TNS3: variants seen among roughly 807,000 people sequenced by gnomAD.
TNS3 encodes the protein tensin-3.
Under a neutral mutation model 140.9 loss-of-function variants are expected in TNS3, and 45 were observed. The observed-to-expected ratio is 0.32, with a 90% CI of 0.25 to 0.41. The LOEUF is 0.41. Among genes scored for constraint, TNS3 ranks in the 10% least tolerant of loss-of-function variants. The probability of loss-of-function intolerance (pLI) is 1.00; values close to 1 mark genes in which losing one functional copy is unlikely to be tolerated. For synonymous variants in TNS3, 815 were observed against 788.4 expected (o/e 1.03, Z -0.56); for missense variants, 1,716 against 1,906.7 (o/e 0.90, Z 1.86).
At chr7:47,495,532 A>G (rs1282888051) in intron 3 of TNS3, among the ~76,000 whole-genome samples, 2 of 152,272 alleles carry the variant, frequency 1.3e-5, no homozygotes, top group African/African-American at 4.8e-5. Context: ...ATGTCCCAAC[A>G]GGGGCGGGCT....
chr7:47,396,765 G>T, intron 16 of TNS3, 35 bp downstream of exon 16: 1 of 1,528,390 alleles, frequency 6.5e-7, no homozygotes, highest in Non-Finnish European at 9.1e-7. Flanking sequence ...TGTGCCCTTT[G>T]CCTCCATAAC....
At chr7:47,512,218 G>C (rs1798637406) in intron 2 of TNS3, among the ~76,000 whole-genome samples, 1 of 152,190 alleles carries the variant, frequency 6.6e-6, no homozygotes, top group Non-Finnish European at 1.5e-5. Context: ...GCAAGAACTG[G>C]GGCTCCACAT....
intron 17 of TNS3, 56 bp from the exon 18 acceptor site, chr7:47,346,412 G>T (rs555622343): frequency 3.8e-6 from 6 of 1,593,424 alleles, no homozygotes; most frequent in Middle Eastern, 2.0e-4. Context: ...GGAGTGAGGC[G>T]CCCCTTCCTT....
intron 16 of TNS3, among the ~76,000 whole-genome samples, chr7:47,378,699 C>T (rs1051043804): frequency 2.0e-5 from 3 of 152,078 alleles, no homozygotes; most frequent in African/African-American, 7.3e-5. Context: ...GCTTAACCCA[C>T]AAGGTTAGGG....
chr7:47,329,775 C>T (rs1788233718), intron 20 of TNS3, among the ~76,000 whole-genome samples: 1 of 152,080 alleles, frequency 6.6e-6, no homozygotes, highest in African/African-American at 2.4e-5. Context: ...GGCAGCCAGG[C>T]CCAGGAAGGG....
rs116805141 is a variant in TNS3, at chr7:47,444,502, G to A, written c.-75-2447C>T. On this transcript the variant is annotated intron_variant, in intron 4 of 30. Coordinates refer to ENST00000311160, the MANE Select transcript of TNS3 (RefSeq NM_022748.12). ...ATGACAACCACACAAATACGTGACTGCTCACTGCCGGCACCAACGTGATGG... is the reference window on the plus strand; with the variant it reads ...ATGACAACCACACAAATACGTGACTACTCACTGCCGGCACCAACGTGATGG... Among the ~76,000 whole-genome samples the A allele has an allele frequency of 8.2e-3, 1,254 of 152,322 alleles. 20 individuals are homozygous for A. Among genetic ancestry groups the A allele is most frequent in the African/African-American group, 0.028 (1,166 of 41,562 alleles).
chr7:47,396,963 C>G, intron 15 of TNS3, 59 bp from the exon 16 acceptor site: 2 of 1,215,756 alleles, frequency 1.6e-6, no homozygotes, highest in Non-Finnish European at 2.4e-6. Flanking sequence ...TCCATCCAAC[C>G]GACTCCACCA....
At chr7:47,538,199 C>G (rs1315583360) in intron 1 of TNS3, among the ~76,000 whole-genome samples, 1 of 152,154 alleles carries the variant, frequency 6.6e-6, no homozygotes, top group East Asian at 1.9e-4. Flanking sequence ...CAGATCCCTC[C>G]TTTCAATGCC....
chr7:47,279,914 T>C (rs529177548), intron 30 of TNS3: 45 of 559,068 alleles, frequency 8.0e-5, no homozygotes, highest in Admixed American at 1.3e-4. Flanking sequence ...TCCATCTCCC[T>C]GTATCTATGC....
At chr7:47,367,713 C>A (rs1790789772) in intron 17 of TNS3, among the ~76,000 whole-genome samples, 1 of 152,218 alleles carries the variant, frequency 6.6e-6, no homozygotes, top group Non-Finnish European at 1.5e-5. Flanking sequence ...CCTGTTCCCC[C>A]AAGCCCCTCC....
intron 16 of TNS3, among the ~76,000 whole-genome samples, chr7:47,386,502 G>A (rs1792079838): frequency 6.6e-6 from 1 of 152,206 alleles, no homozygotes; most frequent in Admixed American, 6.5e-5. Context: ...TCTGTGACAT[G>A]CTCTAATAAC....
intron 4 of TNS3, among the ~76,000 whole-genome samples, chr7:47,452,281 C>T (rs1197590935): frequency 6.6e-6 from 1 of 152,182 alleles, no homozygotes; most frequent in Non-Finnish European, 1.5e-5. Context: ...AAGTGATTTT[C>T]CCAAAGCCAC....
In TNS3 at chr7:47,302,169, T is replaced by G. The variant is rs762758181; in HGVS notation, c.3544+17A>C. On this transcript the variant is annotated intron_variant, in intron 23 of 30. Coordinates refer to ENST00000311160, the MANE Select transcript of TNS3 (RefSeq NM_022748.12). ...CTAGGGCAGATGCCCAAGGAGGCCC[T>G]CATCCTCCCCACATACCTTGTTCTC... 3.7e-6 allele frequency: 6 copies of G among 1,602,418 alleles called. No homozygotes were observed. The East Asian group carries it at 1.3e-4, about 36-fold the overall frequency.
chr7:47,318,033 C>A (rs1787511446), intron 20 of TNS3, among the ~76,000 whole-genome samples: 1 of 152,118 alleles, frequency 6.6e-6, no homozygotes, highest in Non-Finnish European at 1.5e-5. Flanking sequence ...CGTACACCAA[C>A]TATCTCCAGA....
At chr7:47,390,977 G>T (rs928782446) in intron 16 of TNS3, among the ~76,000 whole-genome samples, 1 of 152,144 alleles carries the variant, frequency 6.6e-6, no homozygotes, top group Non-Finnish European at 1.5e-5. Flanking sequence ...TGGCACCTGG[G>T]ATCCTCACTG....
intron 4 of TNS3, among the ~76,000 whole-genome samples, chr7:47,473,386 A>G (rs1318099579): frequency 2.0e-5 from 3 of 152,174 alleles, no homozygotes; most frequent in Non-Finnish European, 4.4e-5. Flanking sequence ...ATAGAACTCA[A>G]TTTCACTGTG....
At chr7:47,385,664 T>C (rs1426752461) in intron 16 of TNS3, among the ~76,000 whole-genome samples, 1 of 152,154 alleles carries the variant, frequency 6.6e-6, no homozygotes, top group Non-Finnish European at 1.5e-5. Context: ...GAGCAATATA[T>C]TACATGTACA....
intron 27 of TNS3, 23 bp from the exon 28 acceptor site, chr7:47,283,888 C>G (rs747444655): frequency 6.5e-7 from 1 of 1,548,194 alleles, no homozygotes; most frequent in Non-Finnish European, 8.7e-7. Flanking sequence ...AAGGGAGACA[C>G]ATGTTAGTTG....
chr7:47,424,247 A>T (rs1794530596), intron 9 of TNS3, 63 bp from the exon 10 acceptor site: 3 of 1,542,400 alleles, frequency 1.9e-6, no homozygotes. Flanking sequence ...TGGGTACTTG[A>T]CGGGGGATGT....
Sources: gnomAD v4.1 joint callset for allele counts (sites outside exome capture counted in the v4.1 genomes callset) on GRCh38, gnomAD v4.1.1 for gene constraint, MANE v1.5 for transcripts, NCBI Gene and HGNC (gene_info 2026-07-23, HGNC 2026-07-21) for gene names.